Variants in SPTY2D1 observed in about 807,000 individuals in gnomAD.
The protein encoded by SPTY2D1 is protein SPT2 homolog.
In SPTY2D1, 21 loss-of-function variants were observed where a neutral mutation model predicts 64.0. That is an observed-to-expected ratio of 0.33 (90% CI 0.23 to 0.47). The LOEUF is 0.47. SPTY2D1 is among the 20% of genes least tolerant of loss of function. SPTY2D1 has a pLI of 1.00. For missense variants in SPTY2D1, 724 were observed against 837.2 expected (o/e 0.86, Z 1.67); for synonymous variants, 287 against 286.8 (o/e 1.00, Z -0.01).
intron 1 of SPTY2D1, among the ~76,000 whole-genome samples, chr11:18,617,620 C>T (rs11024735): frequency 0.59 from 70,888 of 120,460 alleles, 23,595 homozygotes; most frequent in Middle Eastern, 0.77. Context: ...AGTAAGACTC[C>T]GTCTCAAAAA....
intron 1 of SPTY2D1, among the ~76,000 whole-genome samples, chr11:18,629,571 CA>C (rs1854552930): frequency 6.6e-6 from 1 of 152,146 alleles, no homozygotes; most frequent in African/African-American, 2.4e-5. Flanking sequence ...TCTACCAAAA[CA>C]AGTTAACTAC....
chr11:18,614,888 A>T lies in SPTY2D1; in HGVS notation c.1386T>A (p.Ser462=). 1 of 1,613,692 alleles carries T rather than the reference A, an allele frequency of 6.2e-7. No homozygotes were observed. The highest frequency in any genetic ancestry group is 2.2e-5 in the East Asian group (1 of 44,866). The change falls in exon 3 of 6, where the codon TCT becomes TCA. Residue 462 remains serine (S), a synonymous_variant. Coordinates refer to ENST00000336349, the MANE Select transcript of SPTY2D1 (RefSeq NM_194285.3). The part of the protein sequence containing the change: ...SVSSARPLGS[S]RGPGRPVSSP... ...TGCTCACAGGCCGGCCAGGGCCACG[A>T]GAGCTGCCCAAGGGTCTTGCAGAAC...
rs1027437076 is a variant in SPTY2D1, at chr11:18,621,607, G to A, written c.61-4618C>T. Among the ~76,000 whole-genome samples the A allele has an allele frequency of 4.2e-4, 64 of 152,088 alleles. 2 individuals carry two copies. The highest frequency in any genetic ancestry group is 3.7e-3 in the Admixed American group (57 of 15,268). On this transcript the variant is annotated intron_variant, in intron 1 of 5. Coordinates refer to ENST00000336349, the MANE Select transcript of SPTY2D1 (RefSeq NM_194285.3). Reference sequence around the variant, plus strand: ...TCACATTTAACCCAACAACTTTGCAGTACTTGTTGTACTGTCCTTATGATG... The same window carrying A: ...TCACATTTAACCCAACAACTTTGCAATACTTGTTGTACTGTCCTTATGATG...
chr11:18,618,118 T>G (rs1854331009), intron 1 of SPTY2D1, among the ~76,000 whole-genome samples: 1 of 152,212 alleles, frequency 6.6e-6, no homozygotes, highest in Non-Finnish European at 1.5e-5. Context: ...TAGTAGAGAC[T>G]CATAGCTACA....
At position 18,615,974 on chromosome 11, in the gene SPTY2D1, A is replaced by T. The variant is rs1212517619; in HGVS notation, c.300T>A (p.Pro100=). 6.2e-6 allele frequency: 10 copies of T among 1,614,030 alleles called. No homozygotes were observed. The highest frequency in any genetic ancestry group is 8.5e-6 in the Non-Finnish European group (10 of 1,180,034). ...GCCTCTTCTTTGACTTTTCCTCAAT[A>T]GGAATCCCATTGTAACCATGGAAAT... ...KDNFHGYNGI[P]IEEKSKKRQA... is the part of the protein sequence containing the mutation. The change falls in exon 3 of 6, where the codon CCT becomes CCA. Residue 100 remains proline, a synonymous_variant. Coordinates refer to ENST00000336349, the MANE Select transcript of SPTY2D1 (RefSeq NM_194285.3).
chr11:18,608,023 G>A lies in SPTY2D1; in HGVS notation c.*1838C>T, dbSNP rs1854137209. The A allele has an allele frequency of 6.6e-6, 1 of 152,440 alleles. No individual in the cohort carries two copies. The highest frequency in any genetic ancestry group is 1.5e-5 in the Non-Finnish European group (1 of 68,010). The allele number at this position is 152,440 out of a possible 1,614,324, so 9.4% of individuals were successfully genotyped here. A position where few individuals can be genotyped will look rare whatever the true frequency, so the allele number is the denominator to read the frequency against. On this transcript the variant is annotated 3_prime_UTR_variant, in exon 6 of 6. Transcript: ENST00000336349. ...TATATCCAATAAAAAATTTTTGAAG[G>A]GGGAATAAAAGCACATAAATGGCAG...
At chr11:18,627,796 G>A (rs145163325) in intron 1 of SPTY2D1, among the ~76,000 whole-genome samples, 9,335 of 150,984 alleles carry the variant, frequency 0.062, 951 homozygotes, top group African/African-American at 0.22. Context: ...GGAGAATGGC[G>A]TGAGCCCGCG....
At chr11:18,621,165 T>G (rs1190232732) in intron 1 of SPTY2D1, among the ~76,000 whole-genome samples, 1 of 151,372 alleles carries the variant, frequency 6.6e-6, no homozygotes, top group African/African-American at 2.4e-5. Flanking sequence ...GGCGTGGTGG[T>G]GGGCACCTGT....
chr11:18,623,588 T>A (rs757796262), intron 1 of SPTY2D1, among the ~76,000 whole-genome samples: 2 of 152,212 alleles, frequency 1.3e-5, no homozygotes, highest in Non-Finnish European at 2.9e-5. Context: ...AATACTACCC[T>A]CCATAATGTG....
Position 18,608,681 on chromosome 11 carries a change from T to C in SPTY2D1, c.*1180A>G, listed in dbSNP as rs1329970977. 6.6e-6 allele frequency: 1 copy of C among 152,414 alleles called. No homozygotes were observed. Among genetic ancestry groups the C allele is most frequent in the African/African-American group, 2.4e-5 (1 of 41,542 alleles). 9.4% of individuals were successfully genotyped at this position (152,414 alleles called of 1,614,324 possible). A position where few individuals can be genotyped will look rare whatever the true frequency, so the allele number is the denominator to read the frequency against. On this transcript the variant is annotated 3_prime_UTR_variant, in exon 6 of 6. Coordinates refer to ENST00000336349, the MANE Select transcript of SPTY2D1 (RefSeq NM_194285.3). Reference sequence around the variant, plus strand: ...ATTGGAACTGCTTGGACTTGAAGGTTAAGGGCTATTAAGTCCATATTTATG... The same window carrying C: ...ATTGGAACTGCTTGGACTTGAAGGTCAAGGGCTATTAAGTCCATATTTATG...
chr11:18,609,884 C>CA lies in SPTY2D1; in HGVS notation c.2034_2035insT (p.Ala679CysfsTer18). 6.2e-7 allele frequency: 1 copy of CA among 1,614,168 alleles called. No homozygotes were observed. Among genetic ancestry groups the CA allele is most frequent in the Non-Finnish European group, 8.5e-7 (1 of 1,180,030 alleles). On this transcript the variant is annotated frameshift_variant, in exon 6 of 6. Transcript: ENST00000336349. LOFTEE classifies it high-confidence loss of function. ...AGCTAACGCCTCTTCAGCTTCTTGG[C>CA]CCTTCGACGTTGCATTTCTTCTTCT...
chr11:18,632,862 T>C (rs543248983), intron 1 of SPTY2D1, among the ~76,000 whole-genome samples: 10 of 152,350 alleles, frequency 6.6e-5, no homozygotes, highest in Non-Finnish European at 1.5e-4. Flanking sequence ...GCTAGTACTA[T>C]CTTTGACCTT....
Position 18,615,236 on chromosome 11 carries a change from G to A in SPTY2D1, c.1038C>T (p.Ser346=), listed in dbSNP as rs1027990286. The A allele has an allele frequency of 6.2e-7, 1 of 1,614,208 alleles. No individual in the cohort carries two copies. Among genetic ancestry groups the A allele is most frequent in the Admixed American group, 1.7e-5 (1 of 60,022 alleles). ...AVEHKAKKSL[S]HPSHSRPGPM... is the part of the protein sequence containing the mutation. ...GCCCAGGCCTGGAATGGCTAGGATG[G>A]GACAGAGATTTTTTGGCTTTGTGCT... Residue 346 remains serine (S), a synonymous_variant, in exon 3 of 6, where the codon TCC becomes TCT. Coordinates refer to ENST00000336349, the MANE Select transcript of SPTY2D1 (RefSeq NM_194285.3).
In SPTY2D1 at chr11:18,615,042, G is replaced by A; in HGVS notation, c.1232C>T (p.Ser411Leu). Residue 411 changes from serine to leucine, a missense_variant, in exon 3 of 6, where the codon TCA (serine) becomes TTA (leucine). Physicochemically the swap from Ser to Leu is moderately radical, Grantham distance 145 (BLOSUM62 -2). Around this residue, in one of 3 missense-constraint regions of SPTY2D1, gnomAD observed 426 missense variants for 431.8 expected, o/e 0.99. Transcript: ENST00000336349. ...NGSSSSGPER[S>L]ISGSKKPTND... ...GGTTGGCTTCTTGGACCCACTGATT[G>A]ATCGCTCAGGTCCTGAGCTGGAGCT... is the stretch of plus-strand genomic sequence containing the variant. The A allele has an allele frequency of 1.2e-6, 2 of 1,614,112 alleles. No individual in the cohort carries two copies. The highest frequency in any genetic ancestry group is 2.2e-5 in the East Asian group (1 of 44,884).
chr11:18,634,243 T>G lies in SPTY2D1; in HGVS notation c.15A>C (p.Glu5Asp), dbSNP rs1166529858. 1.2e-6 allele frequency: 2 copies of G among 1,614,036 alleles called. No individual in the cohort carries two copies. Among genetic ancestry groups the G allele is most frequent in the Non-Finnish European group, 1.7e-6 (2 of 1,180,036 alleles). Residue 5 changes from glutamate to aspartate, a missense_variant, in exon 1 of 6, where the codon GAA becomes GAC. By Grantham distance (45) the Glu-to-Asp change is conservative. Around this residue, in one of 3 missense-constraint regions of SPTY2D1, gnomAD observed 179 missense variants for 232.5 expected, o/e 0.77. Coordinates refer to ENST00000336349, the MANE Select transcript of SPTY2D1 (RefSeq NM_194285.3). The part of the protein sequence containing the change: MDFR[E>D]ILMIASKGQG... ...GTCCCTTGGAAGCTATCATGAGAATTTCTCTGAAGTCCATGTTGGGCCGAG... is the reference window on the plus strand; with the variant it reads ...GTCCCTTGGAAGCTATCATGAGAATGTCTCTGAAGTCCATGTTGGGCCGAG...
At chr11:18,614,467 G>T in intron 3 of SPTY2D1, 96 bp downstream of exon 3, 1 of 1,168,172 alleles carries the variant, frequency 8.6e-7, no homozygotes, top group Non-Finnish European at 1.2e-6. Context: ...TTAAAGGACA[G>T]CACATGAGGG....
intron 1 of SPTY2D1, among the ~76,000 whole-genome samples, chr11:18,619,980 G>T (rs1030597775): frequency 3.3e-5 from 5 of 152,104 alleles, no homozygotes; most frequent in African/African-American, 1.2e-4. Context: ...CTTAACCTGG[G>T]ACTGCAAGAG....
intron 1 of SPTY2D1, among the ~76,000 whole-genome samples, chr11:18,623,212 TG>T (rs1282630188): frequency 2.0e-5 from 3 of 152,196 alleles, no homozygotes; most frequent in Non-Finnish European, 2.9e-5. Context: ...CATGTATAAG[TG>T]GGTCCACACA....
intron 1 of SPTY2D1, among the ~76,000 whole-genome samples, chr11:18,629,513 T>A (rs2134118654): frequency 6.6e-6 from 1 of 151,938 alleles, no homozygotes; most frequent in East Asian, 1.9e-4. Flanking sequence ...AAAAAAAAAA[T>A]TATAGCTATG....
Sources: allele counts gnomAD v4.1 joint callset (sites outside exome capture counted in the v4.1 genomes callset), GRCh38; gene constraint gnomAD v4.1.1; regional missense constraint gnomAD v4.1.1; transcripts MANE v1.5; gene names NCBI Gene and HGNC (gene_info 2026-07-23, HGNC 2026-07-21).